PALLD: variants seen among roughly 807,000 people sequenced by gnomAD.
PALLD encodes palladin, cytoskeletal associated protein.
In PALLD, 61 loss-of-function variants were observed where a neutral mutation model predicts 123.5. The ratio of observed to expected loss-of-function variants is 0.49; its 90% confidence interval spans 0.40 to 0.61. PALLD has a LOEUF of 0.61. Among genes scored for constraint, PALLD ranks in the 20% least tolerant of loss-of-function variants. The pLI, the probability that PALLD is intolerant of heterozygous loss-of-function variation, is 0.00. For synonymous variants in PALLD, 465 were observed against 496.4 expected (o/e 0.94, Z 0.84); for missense variants, 1,273 against 1,377.0 (o/e 0.92, Z 1.20).
At chr4:168,535,911 C>T (rs1452478747) in intron 2 of PALLD, among the ~76,000 whole-genome samples, 1 of 152,118 alleles carries the variant, frequency 6.6e-6, no homozygotes, top group Admixed American at 6.5e-5. Context: ...ATTACATCAT[C>T]GCATTAATAA....
At chr4:168,708,186 G>A (rs1389640869) in intron 8 of PALLD, among the ~76,000 whole-genome samples, 1 of 152,162 alleles carries the variant, frequency 6.6e-6, no homozygotes, top group Non-Finnish European at 1.5e-5. Context: ...AGATTGACAT[G>A]ATGATTAGAT....
chr4:168,877,709 CT>C, intron 10 of PALLD: 1 of 1,123,082 alleles, frequency 8.9e-7, no homozygotes, highest in Non-Finnish European at 1.1e-6. Flanking sequence ...TGTCACTTCT[CT>C]TTTTCCCCCC....
At chr4:168,631,702 G>A in intron 2 of PALLD, 1 of 985,492 alleles carries the variant, frequency 1.0e-6, no homozygotes, top group Non-Finnish European at 1.2e-6. Context: ...AGCCGGCGGG[G>A]CCCAGGACCT....
chr4:168,860,363 A>G (rs1487125721), intron 10 of PALLD, among the ~76,000 whole-genome samples: 2 of 152,184 alleles, frequency 1.3e-5, no homozygotes, highest in Admixed American at 1.3e-4. Context: ...CAGAGGCAGA[A>G]AGTCTAAAAA....
intron 10 of PALLD, among the ~76,000 whole-genome samples, chr4:168,780,354 A>G: frequency 6.6e-6 from 1 of 152,214 alleles, no homozygotes; most frequent in East Asian, 1.9e-4. Flanking sequence ...TGGCAATAAG[A>G]TGCAGTCCCT....
At chr4:168,595,721 A>G (rs531619696) in intron 2 of PALLD, among the ~76,000 whole-genome samples, 15 of 152,154 alleles carry the variant, frequency 9.9e-5, no homozygotes, top group Non-Finnish European at 2.1e-4. Context: ...GTGAGAGTGC[A>G]GGACCTAAGA....
At chr4:168,779,484 C>CAT (rs933832432) in intron 10 of PALLD, among the ~76,000 whole-genome samples, 4 of 150,802 alleles carry the variant, frequency 2.7e-5, no homozygotes, top group African/African-American at 7.3e-5. Flanking sequence ...ATGTGAACAT[C>CAT]ATATATATAT....
At chr4:168,533,079 G>A (rs906772603) in intron 2 of PALLD, among the ~76,000 whole-genome samples, 13 of 152,170 alleles carry the variant, frequency 8.5e-5, no homozygotes, top group South Asian at 4.2e-4. Context: ...ATAATGGAAA[G>A]CATATTTGTG....
intron 10 of PALLD, among the ~76,000 whole-genome samples, chr4:168,851,241 C>A (rs866082851): frequency 3.9e-5 from 6 of 152,290 alleles, no homozygotes; most frequent in South Asian, 2.1e-4. Context: ...CCTCCATACC[C>A]CCATAAATTA....
At chr4:168,755,175 G>C (rs1304507103) in intron 10 of PALLD, among the ~76,000 whole-genome samples, 1 of 151,552 alleles carries the variant, frequency 6.6e-6, no homozygotes, top group African/African-American at 2.4e-5. Flanking sequence ...GGAGCTTGCG[G>C]TGAGCCGAGA....
Position 168,711,828 on chromosome 4 carries a change from T to A in PALLD, c.1869T>A (p.Ile623=), listed in dbSNP as rs749457222. 21 of 1,614,112 alleles carry A rather than the reference T, an allele frequency of 1.3e-5. No homozygotes were observed. The highest frequency in any genetic ancestry group is 1.7e-5 in the Non-Finnish European group (20 of 1,180,004). Residue 623 remains isoleucine (I), a synonymous_variant, in exon 10 of 22, where the codon ATT becomes ATA. Coordinates refer to ENST00000505667, the MANE Select transcript of PALLD (RefSeq NM_001166108.2). ...VHPSRGVNGL[I]NGKANSNKSL... ...CCAGCCGTGGAGTAAATGGACTGAT[T>A]AACGGCAAAGCTAACAGTAATAAAT...
At chr4:168,698,696 C>G (rs1783393007) in intron 8 of PALLD, among the ~76,000 whole-genome samples, 1 of 152,064 alleles carries the variant, frequency 6.6e-6, no homozygotes, top group Non-Finnish European at 1.5e-5. Flanking sequence ...TGGAAACTTT[C>G]AAGGACGTTG....
chr4:168,655,899 C>T (rs370636477), intron 2 of PALLD, among the ~76,000 whole-genome samples: 2 of 152,138 alleles, frequency 1.3e-5, no homozygotes, highest in East Asian at 1.9e-4. Context: ...TCTAGGAGTC[C>T]GTACATGAAC....
intron 10 of PALLD, among the ~76,000 whole-genome samples, chr4:168,764,135 C>T (rs922133470): frequency 1.3e-5 from 2 of 152,046 alleles, no homozygotes; most frequent in African/African-American, 4.8e-5. Context: ...TACTATATGT[C>T]TTCTTATAGA....
chr4:168,674,133 T>G (rs1235490177), intron 3 of PALLD, among the ~76,000 whole-genome samples: 1 of 152,160 alleles, frequency 6.6e-6, no homozygotes, highest in Non-Finnish European at 1.5e-5. Flanking sequence ...CAGGCTGGTC[T>G]CAAACTCCTG....
intron 2 of PALLD, among the ~76,000 whole-genome samples, chr4:168,547,117 C>G (rs1766211122): frequency 6.6e-6 from 1 of 151,984 alleles, no homozygotes; most frequent in Admixed American, 6.6e-5. Flanking sequence ...ATCCATCTGC[C>G]TTTACCTGAC....
At chr4:168,794,139 G>T (rs888487442) in intron 10 of PALLD, among the ~76,000 whole-genome samples, 100 of 152,156 alleles carry the variant, frequency 6.6e-4, no homozygotes, top group African/African-American at 2.2e-3. Flanking sequence ...TGCCCTCTCA[G>T]TTAGGTTCCC....
chr4:168,538,987 TG>T (rs1362168790), intron 2 of PALLD, among the ~76,000 whole-genome samples: 3 of 152,212 alleles, frequency 2.0e-5, no homozygotes, highest in African/African-American at 7.2e-5. Context: ...GCTGATCTTA[TG>T]GGCGTGAAAA....
chr4:168,860,089 T>C (rs58617363), intron 10 of PALLD, among the ~76,000 whole-genome samples: 3,236 of 152,262 alleles, frequency 0.021, 96 homozygotes, highest in African/African-American at 0.073. Context: ...GTCTGGAGGA[T>C]GTGAAATCGG....
Sources: allele counts gnomAD v4.1 joint callset (sites outside exome capture counted in the v4.1 genomes callset), GRCh38; gene constraint gnomAD v4.1.1; transcripts MANE v1.5; gene names NCBI Gene and HGNC (gene_info 2026-07-23, HGNC 2026-07-21).